CYRIB: variants seen among roughly 807,000 people sequenced by gnomAD.
The protein encoded by CYRIB is CYFIP-related Rac1 interactor B.
CYRIB carries 8 observed loss-of-function variants against 44.2 expected under a neutral mutation model. The observed-to-expected ratio is 0.18, with a 90% CI of 0.11 to 0.33. The LOEUF is 0.33. Among genes scored for constraint, CYRIB ranks in the 10% least tolerant of loss-of-function variants. The pLI, the probability that CYRIB is intolerant of heterozygous loss-of-function variation, is 1.00. For synonymous variants in CYRIB, 131 were observed against 127.2 expected (o/e 1.03, Z -0.20); for missense variants, 185 against 382.8 (o/e 0.48, Z 4.31).
chr8:129,922,605 T>A (rs539149124), intron 1 of CYRIB, among the ~76,000 whole-genome samples: 115 of 152,240 alleles, frequency 7.6e-4, no homozygotes, highest in African/African-American at 2.7e-3. Context: ...GGCTCACGCC[T>A]GTAATCCCAG....
At chr8:129,919,813 T>C (rs1232221700) in intron 1 of CYRIB, among the ~76,000 whole-genome samples, 1 of 152,042 alleles carries the variant, frequency 6.6e-6, no homozygotes, top group Non-Finnish European at 1.5e-5. Flanking sequence ...AACAATGGGG[T>C]AACATAATAA....
intron 1 of CYRIB, among the ~76,000 whole-genome samples, chr8:129,918,510 C>T (rs2081916804): frequency 6.6e-6 from 1 of 152,184 alleles, no homozygotes; most frequent in Non-Finnish European, 1.5e-5. Context: ...TCTGTCAACA[C>T]CAAAGTATTG....
intron 2 of CYRIB, among the ~76,000 whole-genome samples, chr8:129,891,093 G>A (rs2065192848): frequency 6.6e-6 from 1 of 152,252 alleles, no homozygotes; most frequent in South Asian, 2.1e-4. Flanking sequence ...CCCAGCAGCA[G>A]TGCATTATCT....
chr8:129,911,206 A>G (rs991986415), intron 1 of CYRIB, among the ~76,000 whole-genome samples: 1 of 152,206 alleles, frequency 6.6e-6, no homozygotes, highest in South Asian at 2.1e-4. Flanking sequence ...ACTGCATGAT[A>G]TATTTCACAT....
At chr8:129,981,882 T>C (rs144692232) in intron 1 of CYRIB, among the ~76,000 whole-genome samples, 28 of 152,334 alleles carry the variant, frequency 1.8e-4, no homozygotes, top group Middle Eastern at 3.4e-3. Flanking sequence ...ACCCGACCAC[T>C]GTCCCCCTCT....
chr8:129,995,361 T>A (rs985090062), intron 1 of CYRIB, among the ~76,000 whole-genome samples: 1 of 152,164 alleles, frequency 6.6e-6, no homozygotes, highest in African/African-American at 2.4e-5. Context: ...TGAAGCAGAA[T>A]TTCAAGCATC....
At chr8:130,004,349 C>A (rs1269079414) in intron 1 of CYRIB, among the ~76,000 whole-genome samples, 1 of 152,198 alleles carries the variant, frequency 6.6e-6, no homozygotes, top group Non-Finnish European at 1.5e-5. Flanking sequence ...AATCAATCCT[C>A]CCACCTGAGC....
intron 1 of CYRIB, among the ~76,000 whole-genome samples, chr8:129,927,699 T>C (rs1376947025): frequency 1.3e-5 from 2 of 152,242 alleles, no homozygotes; most frequent in Non-Finnish European, 2.9e-5. Context: ...TCTATATTGT[T>C]TCAATTTTTT....
intron 1 of CYRIB, among the ~76,000 whole-genome samples, chr8:129,976,824 GT>G (rs991512979): frequency 6.0e-5 from 9 of 150,508 alleles, no homozygotes; most frequent in Non-Finnish European, 1.3e-4. Flanking sequence ...ATGTGTTGTT[GT>G]TTTTTTTTGT....
intron 2 of CYRIB, chr8:129,890,319 A>C (rs2134726792): frequency 6.6e-6 from 1 of 152,318 alleles, no homozygotes; most frequent in East Asian, 1.9e-4. Context: ...TTGCACAGCC[A>C]CCCAACCTTC....
chr8:129,842,923 C>G (rs2037327254), intron 11 of CYRIB, among the ~76,000 whole-genome samples: 2 of 152,180 alleles, frequency 1.3e-5, no homozygotes, highest in African/African-American at 2.4e-5. Flanking sequence ...TAAAATGTCT[C>G]AATTCTCCCA....
intron 4 of CYRIB, among the ~76,000 whole-genome samples, chr8:129,869,230 AC>A (rs1276678207): frequency 6.6e-6 from 1 of 151,718 alleles, no homozygotes; most frequent in Non-Finnish European, 1.5e-5. Flanking sequence ...TACTAAAAAT[AC>A]AAAAATTAGC....
rs546834978 is a variant in CYRIB at position 129,849,178 on chromosome 8, A to T, written c.840+65T>A. On this transcript the variant is annotated intron_variant, in intron 10 of 11. Transcript: ENST00000519824. ...TCCGGTTTGCTGGCTCTTATCATAAAATAAAATCCTATGGTTTCCATGGAG... is the reference window on the plus strand; with the variant it reads ...TCCGGTTTGCTGGCTCTTATCATAATATAAAATCCTATGGTTTCCATGGAG... 18 of 1,474,104 alleles carry T rather than the reference A, an allele frequency of 1.2e-5. No individual in the cohort carries two copies. In the African/African-American group the frequency reaches 2.5e-4, roughly 21 times the overall value. The allele number at this position is 1,474,104 out of a possible 1,614,324, so 91.3% of individuals were successfully genotyped here. A position where few individuals can be genotyped will look rare whatever the true frequency, so the allele number is the denominator to read the frequency against.
chr8:129,965,662 G>C (rs2095447377), intron 2 of CYRIB, among the ~76,000 whole-genome samples: 1 of 151,812 alleles, frequency 6.6e-6, no homozygotes, highest in Non-Finnish European at 1.5e-5. Flanking sequence ...CGGGCGTGGT[G>C]GTGGGTGCCT....
intron 1 of CYRIB, among the ~76,000 whole-genome samples, chr8:129,937,431 A>G (rs1308677920): frequency 6.6e-6 from 1 of 152,232 alleles, no homozygotes; most frequent in African/African-American, 2.4e-5. Flanking sequence ...CTTCTCCATC[A>G]ATTGTTATTT....
intron 1 of CYRIB, among the ~76,000 whole-genome samples, chr8:129,996,563 C>T (rs1374067520): frequency 6.6e-6 from 1 of 152,194 alleles, no homozygotes; most frequent in East Asian, 1.9e-4. Context: ...CTGGCATTAT[C>T]ATTCCCTACT....
intron 2 of CYRIB, among the ~76,000 whole-genome samples, chr8:129,887,318 C>T (rs984883847): frequency 1.3e-5 from 2 of 152,194 alleles, no homozygotes; most frequent in Admixed American, 6.5e-5. Flanking sequence ...GGGTGTTAGG[C>T]CTGCAGGTGT....
intron 1 of CYRIB, among the ~76,000 whole-genome samples, chr8:130,008,139 G>T (rs2097146530): frequency 6.6e-6 from 1 of 151,846 alleles, no homozygotes; most frequent in Non-Finnish European, 1.5e-5. Context: ...AACCCGGGAG[G>T]TGGAGGTTGC....
intron 1 of CYRIB, among the ~76,000 whole-genome samples, chr8:130,016,063 G>A (rs889603757): frequency 1.3e-4 from 19 of 151,272 alleles, no homozygotes; most frequent in Non-Finnish European, 2.1e-4. Flanking sequence ...CGCCGGCTCC[G>A]CAGCTGGGTG....
Sources: gnomAD v4.1 joint callset for allele counts (sites outside exome capture counted in the v4.1 genomes callset) on GRCh38, gnomAD v4.1.1 for gene constraint, MANE v1.5 for transcripts, NCBI Gene and HGNC (gene_info 2026-07-23, HGNC 2026-07-21) for gene names.